The following NPTX2 variants were observed in gnomAD, a reference collection of about 807,000 sequenced individuals.
The protein encoded by NPTX2 is neuronal pentraxin-2.
Under a neutral mutation model 38.1 loss-of-function variants are expected in NPTX2, and 23 were observed. That is an observed-to-expected ratio of 0.60 (90% CI 0.43 to 0.85). The LOEUF (loss-of-function observed/expected upper bound fraction) is 0.85, where lower values mean the gene tolerates loss of function less well. Ranked by LOEUF, NPTX2 falls within the 40% of genes least tolerant of loss-of-function variation. The pLI, the probability that NPTX2 is intolerant of heterozygous loss-of-function variation, is 0.00. For missense variants in NPTX2, 553 were observed against 615.3 expected (o/e 0.90, Z 1.07); for synonymous variants, 291 against 287.3 (o/e 1.01, Z -0.13).
At chr7:98,621,527 G>A (rs1457434887) in intron 2 of NPTX2, among the ~76,000 whole-genome samples, 4 of 152,196 alleles carry the variant, frequency 2.6e-5, no homozygotes, top group Non-Finnish European at 4.4e-5. Context: ...AATTCTGAGT[G>A]TCCTGTTTGT....
At chr7:98,627,441 C>T in intron 4 of NPTX2, 97 bp downstream of exon 4, 1 of 1,000,348 alleles carries the variant, frequency 1.0e-6, no homozygotes, top group East Asian at 2.6e-5. Context: ...GAGGGGCCAA[C>T]TGAGCAGCAC....
rs1417648756 is a variant in NPTX2, at chr7:98,617,682, A to G, written c.221A>G (p.Lys74Arg). The G allele has an allele frequency of 4.8e-6, 7 of 1,467,506 alleles. No homozygotes were observed. The South Asian group carries it at 6.6e-5, about 14-fold the overall frequency. 90.9% of individuals were successfully genotyped at this position (1,467,506 alleles called of 1,614,324 possible). ...CTGCGCGAGACCGTCGTGCAGCAGAAGGAGACGCTGGGCGCGCAGCGCGAG... is the reference window on the plus strand; with the variant it reads ...CTGCGCGAGACCGTCGTGCAGCAGAGGGAGACGCTGGGCGCGCAGCGCGAG... Reference protein sequence around the residue: ...LQLRETVVQQKETLGAQREAI... With the variant: ...LQLRETVVQQRETLGAQREAI... The change falls in exon 1 of 5, where the codon AAG (lysine) becomes AGG (arginine). Residue 74 changes from lysine (K) to arginine (R), a missense_variant. Transcript: ENST00000265634.
At chr7:98,620,819 C>A (rs554811796) in intron 2 of NPTX2, among the ~76,000 whole-genome samples, 1 of 152,044 alleles carries the variant, frequency 6.6e-6, no homozygotes, top group South Asian at 2.1e-4. Flanking sequence ...GTTTGCCTCT[C>A]GAAAGGGGAA....
At chr7:98,618,583 CCT>C (rs1791218807) in intron 1 of NPTX2, among the ~76,000 whole-genome samples, 1 of 64,810 alleles carries the variant, frequency 1.5e-5, no homozygotes, top group African/African-American at 7.5e-5. Context: ...CCCCTCCCCC[CCT>C]CCCCCTCCGT....
rs1019241535 is a variant in NPTX2 at position 98,617,559 on chromosome 7, C to A, written c.98C>A (p.Pro33His). The A allele has an allele frequency of 2.0e-6, 3 of 1,477,542 alleles. No homozygotes were observed. Among genetic ancestry groups the A allele is most frequent in the Admixed American group, 2.3e-5 (1 of 43,348 alleles). 91.5% of individuals were successfully genotyped at this position (1,477,542 alleles called of 1,614,324 possible). A position where few individuals can be genotyped will look rare whatever the true frequency, so the allele number is the denominator to read the frequency against. The stretch of plus-strand genomic sequence containing the variant: ...AGCCGCTTCGTGTGCACGGCACTGC[C>A]CCCAGAGGCGGTGCACGCCGGCTGC... ...PGSRFVCTAL[P>H]PEAVHAGCPL... is the part of the protein sequence containing the mutation. Residue 33 changes from proline (P) to histidine (H), a missense_variant, in exon 1 of 5, where the codon CCC becomes CAC. Physicochemically the swap from Pro to His is moderately conservative, Grantham distance 77. Coordinates refer to ENST00000265634, the MANE Select transcript of NPTX2 (RefSeq NM_002523.3).
chr7:98,619,799 C>T lies in NPTX2; in HGVS notation c.583C>T (p.Arg195Trp), dbSNP rs1370330709. The change falls in exon 2 of 5, where the codon CGG becomes TGG. Residue 195 changes from arginine (R) to tryptophan (W), a missense_variant. Coordinates refer to ENST00000265634, the MANE Select transcript of NPTX2 (RefSeq NM_002523.3). ...GCTGCACAATGAGACCTCGGCTCAC[C>T]GGCAGAAGACCGAGAGCACCCTGAA... ...SLLHNETSAH[R>W]QKTESTLNAL... 2 of 1,613,858 alleles carry T rather than the reference C, an allele frequency of 1.2e-6. No individual in the cohort carries two copies. Among genetic ancestry groups the T allele is most frequent in the Admixed American group, 1.7e-5 (1 of 60,024 alleles).
chr7:98,628,501 A>G lies in NPTX2; in HGVS notation c.1168A>G (p.Asn390Asp), dbSNP rs752637896. ...CGTCCTTCGCGCACAAGAAATTGTCAACATCGCCAACTGCTCCACAAACAT... is the reference window on the plus strand; with the variant it reads ...CGTCCTTCGCGCACAAGAAATTGTCGACATCGCCAACTGCTCCACAAACAT... ...DRVLRAQEIVNIANCSTNMPG... is the reference protein window; with the variant it reads ...DRVLRAQEIVDIANCSTNMPG... The change falls in exon 5 of 5, where the codon AAC becomes GAC. Residue 390 changes from asparagine (N) to aspartate (D), a missense_variant. Asn to Asp is a conservative substitution (Grantham distance 23). Coordinates refer to ENST00000265634, the MANE Select transcript of NPTX2 (RefSeq NM_002523.3). 16 of 1,610,800 alleles carry G rather than the reference A, an allele frequency of 9.9e-6. No individual in the cohort carries two copies. The highest frequency in any genetic ancestry group is 1.3e-5 in the Non-Finnish European group (15 of 1,177,668).
chr7:98,620,361 G>A (rs561271191), intron 2 of NPTX2, among the ~76,000 whole-genome samples: 50 of 152,230 alleles, frequency 3.3e-4, no homozygotes, highest in African/African-American at 8.9e-4. Context: ...CCATGACTCC[G>A]TTTCATGCAT....
In NPTX2 at chr7:98,628,498, G is replaced by A. The variant is rs1296609942; in HGVS notation, c.1165G>A (p.Val389Ile). The A allele has an allele frequency of 6.2e-7, 1 of 1,611,260 alleles. No homozygotes were observed. The highest frequency in any genetic ancestry group is 2.2e-5 in the East Asian group (1 of 44,862). The change falls in exon 5 of 5, where the codon GTC becomes ATC. Residue 389 changes from valine (V) to isoleucine (I), a missense_variant. Transcript: ENST00000265634. ...WDRVLRAQEI[V>I]NIANCSTNMP... Reference sequence around the variant, plus strand: ...CCGCGTCCTTCGCGCACAAGAAATTGTCAACATCGCCAACTGCTCCACAAA... The same window carrying A: ...CCGCGTCCTTCGCGCACAAGAAATTATCAACATCGCCAACTGCTCCACAAA...
intron 3 of NPTX2, 83 bp downstream of exon 3, chr7:98,625,249 C>T: frequency 6.7e-7 from 1 of 1,500,436 alleles, no homozygotes; most frequent in Non-Finnish European, 9.0e-7. Flanking sequence ...GCCGTCCTCG[C>T]CCTCCTCGGG....
At chr7:98,619,367 A>C (rs920090146) in intron 1 of NPTX2, among the ~76,000 whole-genome samples, 3 of 152,234 alleles carry the variant, frequency 2.0e-5, no homozygotes, top group African/African-American at 7.2e-5. Context: ...GTTGGTTAGA[A>C]TATTGACTTT....
At position 98,627,305 on chromosome 7, in the gene NPTX2, C is replaced by T. The variant is rs148438399; in HGVS notation, c.1029C>T (p.Pro343=). 12 of 1,613,784 alleles carry T rather than the reference C, an allele frequency of 7.4e-6. No individual in the cohort carries two copies. The Middle Eastern group carries it at 4.9e-4, about 66-fold the overall frequency. The change falls in exon 4 of 5, where the codon CCC becomes CCT. Residue 343 remains proline (P), a synonymous_variant. Transcript: ENST00000265634. ...GGGAGAACCTGGCCCCCTGGCACCC[C>T]ATCAAGCCCGGGGGCGTGCTGATCC... ...GTGENLAPWH[P]IKPGGVLILG... is the part of the protein sequence containing the mutation.
At chr7:98,618,569 T>TCCCCC (rs145792464) in intron 1 of NPTX2, among the ~76,000 whole-genome samples, 16 of 30,086 alleles carry the variant, frequency 5.3e-4, no homozygotes, top group South Asian at 1.2e-3. Flanking sequence ...TCTCTCTCTC[T>TCCCCC]CCCCCCCTCC....
intron 2 of NPTX2, chr7:98,620,295 G>T (rs947951873): frequency 2.0e-5 from 4 of 200,652 alleles, no homozygotes; most frequent in Non-Finnish European, 4.2e-5. Flanking sequence ...TGCCCGTAGT[G>T]GGTGTTTATA....
In NPTX2 at chr7:98,619,825, C is replaced by G; in HGVS notation, c.609C>G (p.Asn203Lys). 6.2e-7 allele frequency: 1 copy of G among 1,613,960 alleles called. No individual in the cohort carries two copies. The highest frequency in any genetic ancestry group is 8.5e-7 in the Non-Finnish European group (1 of 1,180,040). ...AHRQKTESTL[N>K]ALLQRVTELE... ...GGCAGAAGACCGAGAGCACCCTGAA[C>G]GCGCTGCTGCAGAGGGTCACCGAGC... The change falls in exon 2 of 5, where the codon AAC becomes AAG. Residue 203 changes from asparagine (N) to lysine (K), a missense_variant. By Grantham distance (94) the Asn-to-Lys change is moderately conservative. Transcript: ENST00000265634.
chr7:98,625,474 C>T lies in NPTX2; in HGVS notation c.888+308C>T, dbSNP rs1011800811. Among the ~76,000 whole-genome samples, 7 of 152,088 alleles carry T rather than the reference C, an allele frequency of 4.6e-5. No individual in the cohort carries two copies. In the East Asian group the frequency reaches 7.7e-4, roughly 17 times the overall value. On this transcript the variant is annotated intron_variant, in intron 3 of 4. Coordinates refer to ENST00000265634, the MANE Select transcript of NPTX2 (RefSeq NM_002523.3). ...CCTGGATTGAGAGAGGACCTCAGGC[C>T]GGTCAGTGAGGGCTGTTCCCCAGGG...
At chr7:98,619,151 C>G (rs1791230724) in intron 1 of NPTX2, among the ~76,000 whole-genome samples, 1 of 152,136 alleles carries the variant, frequency 6.6e-6, no homozygotes. Context: ...TGCTGGAGTT[C>G]AGAATAGCAA....
In NPTX2 at chr7:98,628,404, C is replaced by A. The variant is rs1216882493; in HGVS notation, c.1071C>A (p.Asp357Glu). Residue 357 changes from aspartate (D) to glutamate (E), a missense_variant and splice_region_variant, in exon 5 of 5, where the codon GAC becomes GAA. Asp to Glu is a conservative substitution (Grantham distance 45, BLOSUM62 2). Transcript: ENST00000265634. ...GCTCTCTTGTTCCCATTCCCCAGGA[C>A]ACCGTGGGGGGTAGGTTTGATGCCA... ...GGVLILGQEQ[D>E]TVGGRFDATQ... The A allele has an allele frequency of 1.9e-6, 3 of 1,553,292 alleles. No homozygotes were observed. The highest frequency in any genetic ancestry group is 2.7e-6 in the Non-Finnish European group (3 of 1,128,626).
intron 3 of NPTX2, 131 bp downstream of exon 3, chr7:98,625,297 GTCC>G: frequency 2.4e-6 from 3 of 1,258,922 alleles, no homozygotes; most frequent in Non-Finnish European, 3.2e-6. Flanking sequence ...CTGCGGGGCT[GTCC>G]TCCTCGAGGT....
Sources: gnomAD v4.1 joint callset for allele counts (sites outside exome capture counted in the v4.1 genomes callset) on GRCh38, gnomAD v4.1.1 for gene constraint, MANE v1.5 for transcripts, NCBI Gene and HGNC (gene_info 2026-07-23, HGNC 2026-07-21) for gene names.